NALF1: variants seen among roughly 807,000 people sequenced by gnomAD.
The protein encoded by NALF1 is family with sequence similarity 155 member A.
A neutral mutation model predicts 48.4 loss-of-function variants in NALF1; 3 were observed. That is an observed-to-expected ratio of 0.06 (90% confidence interval 0.03 to 0.16). The LOEUF (loss-of-function observed/expected upper bound fraction) is 0.16. Ranked by LOEUF, NALF1 falls within the 10% of genes least tolerant of loss-of-function variation. The probability of loss-of-function intolerance (pLI) is 1.00; values close to 1 mark genes in which losing one functional copy is unlikely to be tolerated. For missense variants in NALF1, 526 were observed against 571.5 expected (o/e 0.92, Z 0.81); for synonymous variants, 262 against 245.7 (o/e 1.07, Z -0.62).
At chr13:107,219,869 T>C (rs1398706007) in intron 1 of NALF1, among the ~76,000 whole-genome samples, 1 of 152,180 alleles carries the variant, frequency 6.6e-6, no homozygotes, top group East Asian at 1.9e-4. Context: ...AAGTAAAGGA[T>C]GGAAAATGTG....
At chr13:107,501,701 T>C (rs1447529274) in intron 1 of NALF1, among the ~76,000 whole-genome samples, 1 of 152,188 alleles carries the variant, frequency 6.6e-6, no homozygotes, top group Non-Finnish European at 1.5e-5. Flanking sequence ...GGTGATTTAT[T>C]AGAAAATAAG....
intron 1 of NALF1, among the ~76,000 whole-genome samples, chr13:107,547,461 T>C (rs929381984): frequency 6.6e-6 from 1 of 152,190 alleles, no homozygotes. Context: ...AATAACATGG[T>C]TAATAATTAT....
chr13:107,235,191 A>C (rs1273639296), intron 1 of NALF1, among the ~76,000 whole-genome samples: 1 of 152,224 alleles, frequency 6.6e-6, no homozygotes, highest in Non-Finnish European at 1.5e-5. Flanking sequence ...TAAAACAAGT[A>C]ATATTTATGA....
chr13:107,431,555 G>GGTA (rs1884381892), intron 1 of NALF1, among the ~76,000 whole-genome samples: 2 of 152,200 alleles, frequency 1.3e-5, no homozygotes, highest in African/African-American at 4.8e-5. Context: ...AGGACTGTGT[G>GGTA]GTAGAGCTTT....
At chr13:107,436,419 T>C (rs1884464755) in intron 1 of NALF1, among the ~76,000 whole-genome samples, 1 of 152,196 alleles carries the variant, frequency 6.6e-6, no homozygotes, top group African/African-American at 2.4e-5. Flanking sequence ...AACAAATCTG[T>C]CATTCACAGT....
intron 1 of NALF1, among the ~76,000 whole-genome samples, chr13:107,505,064 G>A (rs1468021654): frequency 6.6e-6 from 1 of 151,878 alleles, no homozygotes; most frequent in African/African-American, 2.4e-5. Flanking sequence ...AAAGGCTATG[G>A]AGAGAAATTC....
At chr13:107,790,724 T>C (rs969345970) in intron 1 of NALF1, among the ~76,000 whole-genome samples, 1 of 152,184 alleles carries the variant, frequency 6.6e-6, no homozygotes, top group South Asian at 2.1e-4. Flanking sequence ...GGAGTGTTAA[T>C]TTTTAGCCAT....
At chr13:107,695,058 G>A (rs1276780356) in intron 1 of NALF1, among the ~76,000 whole-genome samples, 3 of 152,102 alleles carry the variant, frequency 2.0e-5, no homozygotes, top group South Asian at 2.1e-4. Context: ...CTCCCAACAC[G>A]CTGGGATGAT....
intron 1 of NALF1, among the ~76,000 whole-genome samples, chr13:107,266,753 T>A (rs1450132743): frequency 6.6e-6 from 1 of 152,246 alleles, no homozygotes; most frequent in African/African-American, 2.4e-5. Flanking sequence ...AATAAAAGTA[T>A]GCACAAAATC....
At chr13:107,718,005 C>T (rs2138524935) in intron 1 of NALF1, among the ~76,000 whole-genome samples, 1 of 152,300 alleles carries the variant, frequency 6.6e-6, no homozygotes, top group East Asian at 1.9e-4. Context: ...GCTGTTGTTC[C>T]AGCTGATAAA....
chr13:107,373,867 G>T (rs9520416), intron 1 of NALF1, among the ~76,000 whole-genome samples: 5,562 of 152,160 alleles, frequency 0.037, 95 homozygotes, highest in African/African-American at 0.05. Flanking sequence ...CTCATCAAAA[G>T]AATCTACCTT....
intron 1 of NALF1, among the ~76,000 whole-genome samples, chr13:107,384,123 C>T (rs996969102): frequency 5.3e-5 from 8 of 152,040 alleles, no homozygotes; most frequent in Non-Finnish European, 7.4e-5. Context: ...CATGGTGGCT[C>T]ATGCCTGTGG....
At chr13:107,350,334 T>C (rs1302295036) in intron 1 of NALF1, among the ~76,000 whole-genome samples, 2 of 152,202 alleles carry the variant, frequency 1.3e-5, no homozygotes, top group South Asian at 2.1e-4. Context: ...AAAAGCTTTA[T>C]AGATGAAAAC....
At chr13:107,384,539 C>T (rs1883494770) in intron 1 of NALF1, among the ~76,000 whole-genome samples, 1 of 151,718 alleles carries the variant, frequency 6.6e-6, no homozygotes, top group Non-Finnish European at 1.5e-5. Context: ...AATTTATATC[C>T]CTTTATCGTG....
At chr13:107,830,454 T>C (rs187776310) in intron 1 of NALF1, among the ~76,000 whole-genome samples, 9 of 152,348 alleles carry the variant, frequency 5.9e-5, no homozygotes, top group Non-Finnish European at 1.3e-4. Context: ...ACTTGCTATT[T>C]TTTGATTCTG....
intron 1 of NALF1, among the ~76,000 whole-genome samples, chr13:107,803,362 T>C (rs1878679882): frequency 6.6e-6 from 1 of 152,174 alleles, no homozygotes; most frequent in Non-Finnish European, 1.5e-5. Flanking sequence ...AGTTGGTTTC[T>C]AGAAAATATT....
intron 2 of NALF1, among the ~76,000 whole-genome samples, chr13:107,188,809 G>A (rs1020378625): frequency 1.6e-4 from 25 of 152,242 alleles, no homozygotes; most frequent in African/African-American, 3.9e-4. Context: ...TAATGAATGC[G>A]CTAATTCACT....
chr13:107,410,100 T>G (rs1535711), intron 1 of NALF1, among the ~76,000 whole-genome samples: 98,928 of 152,132 alleles, frequency 0.65, 32,696 homozygotes, highest in Middle Eastern at 0.78. Context: ...TTCTATATTC[T>G]AAAGTAACAA....
chr13:107,335,608 T>C (rs1048802183), intron 1 of NALF1, among the ~76,000 whole-genome samples: 4 of 152,242 alleles, frequency 2.6e-5, no homozygotes, highest in African/African-American at 4.8e-5. Context: ...TCAAAATCTG[T>C]AGCCATTTAG....
Sources: allele counts gnomAD v4.1 joint callset (sites outside exome capture counted in the v4.1 genomes callset), GRCh38; gene constraint gnomAD v4.1.1; transcripts MANE v1.5; gene names NCBI Gene and HGNC (gene_info 2026-07-23, HGNC 2026-07-21).